Variants in TNK2 observed in about 807,000 individuals in gnomAD.
TNK2 encodes the protein activated CDC42 kinase 1.
In TNK2, 83 loss-of-function variants were observed where a neutral mutation model predicts 101.8. That is an observed-to-expected ratio of 0.82 (90% CI 0.68 to 0.98). The LOEUF is 0.98. Among genes scored for constraint, TNK2 ranks in the 50% least tolerant of loss-of-function variants. TNK2 has a pLI of 0.00. For synonymous variants in TNK2, 804 were observed against 633.0 expected, an observed-to-expected ratio of 1.27 and a Z score of -4.06; for missense variants, 1,665 against 1,483.2, an observed-to-expected ratio of 1.12 and a Z score of -2.01.
At chr3:195,905,989 C>T (rs1486660275) in intron 1 of TNK2, among the ~76,000 whole-genome samples, 1 of 152,064 alleles carries the variant, frequency 6.6e-6, no homozygotes, top group Non-Finnish European at 1.5e-5. Flanking sequence ...CACGAAAAAC[C>T]CTACACAATT....
At chr3:195,890,752 T>C (rs1396564883) in intron 1 of TNK2, among the ~76,000 whole-genome samples, 1 of 152,196 alleles carries the variant, frequency 6.6e-6, no homozygotes, top group Admixed American at 6.5e-5. Flanking sequence ...TAAAATAAAT[T>C]TTCCTGGAAT....
At chr3:195,874,333 T>C (rs2149371983) in intron 9 of TNK2, among the ~76,000 whole-genome samples, 2 of 152,316 alleles carry the variant, frequency 1.3e-5, no homozygotes, top group East Asian at 3.9e-4. Context: ...GGGACCCACT[T>C]CTGAGAGGGA....
chr3:195,890,553 C>A (rs1220848928), intron 1 of TNK2, among the ~76,000 whole-genome samples: 4 of 147,306 alleles, frequency 2.7e-5, no homozygotes, highest in Admixed American at 2.1e-4. Context: ...CGGGTTCAGG[C>A]AATTCTCCCG....
chr3:195,867,412 G>A lies in TNK2; in HGVS notation c.2886C>T (p.Gly962=). The change falls in exon 13 of 16, where the codon GGC becomes GGT. Residue 962 remains glycine (G), a synonymous_variant. Coordinates refer to ENST00000672887, the MANE Select transcript of TNK2 (RefSeq NM_001382273.1). ...PRATARLPQR[G]CPGDGPEAGR... ...CCGCCTCTGGCCCATCGCCAGGGCAGCCCCTCTGTGGCAGCCGAGCAGTGG... is the reference window on the plus strand; with the variant it reads ...CCGCCTCTGGCCCATCGCCAGGGCAACCCCTCTGTGGCAGCCGAGCAGTGG... 1 of 1,603,780 alleles carries A rather than the reference G, an allele frequency of 6.2e-7. No homozygotes were observed. Among genetic ancestry groups the A allele is most frequent in the South Asian group, 1.1e-5 (1 of 90,420 alleles).
Position 195,868,163 on chromosome 3 carries a change from G to T in TNK2, c.2135C>A (p.Pro712Gln), listed in dbSNP as rs776680075. ...CTCTGCGGTCTGTGCGGAGCTGGGC[G>T]GCTTGCCCCCACCCTGGGGCGGGAG... ...LFLPPQGGGK[P>Q]PSSAQTAEIF... The change falls in exon 13 of 16, where the codon CCG becomes CAG. Residue 712 changes from proline to glutamine, a missense_variant. By Grantham distance (76) the Pro-to-Gln change is moderately conservative. This residue lies in a region of TNK2 where 1,136 missense variants were observed against 894.9 expected (regional missense o/e 1.27). Transcript: ENST00000672887. 1.2e-6 allele frequency: 2 copies of T among 1,610,584 alleles called. No individual in the cohort carries two copies. The highest frequency in any genetic ancestry group is 8.5e-7 in the Non-Finnish European group (1 of 1,179,118).
chr3:195,889,558 T>C (rs915818841), intron 1 of TNK2, among the ~76,000 whole-genome samples: 1 of 152,230 alleles, frequency 6.6e-6, no homozygotes, highest in Non-Finnish European at 1.5e-5. Context: ...TGTTCCCTGA[T>C]TTCACTTAAT....
intron 11 of TNK2, 49 bp from the exon 12 acceptor site, chr3:195,869,590 A>G (rs780870251): frequency 6.5e-7 from 1 of 1,536,224 alleles, no homozygotes; most frequent in Non-Finnish European, 8.8e-7. Flanking sequence ...AGCAGGACAG[A>G]GGACAAAGGA....
In TNK2 at chr3:195,866,949, T is replaced by G. The variant is rs1741268014; in HGVS notation, c.3101A>C (p.Asp1034Ala). 1 of 1,612,824 alleles carries G rather than the reference T, an allele frequency of 6.2e-7. No homozygotes were observed. The highest frequency in any genetic ancestry group is 1.3e-5 in the African/African-American group (1 of 74,894). ...GECHKVLEMF[D>A]WNLEQAGCHL... ...GCAGCCGGCCTGCTCCAGGTTCCAG[T>G]CGAACATCTCCAGCACTTTGTGGCA... Residue 1034 changes from aspartate to alanine, a missense_variant, in exon 15 of 16, where the codon GAC (aspartate) becomes GCC (alanine). Transcript: ENST00000672887.
intron 15 of TNK2, 69 bp downstream of exon 15, chr3:195,866,820 C>A (rs1341037894): frequency 4.5e-6 from 7 of 1,561,140 alleles, no homozygotes; most frequent in Non-Finnish European, 6.1e-6. Context: ...TGGGCTTCCT[C>A]CCAGTGTGGC....
chr3:195,890,636 T>A (rs1758038088), intron 1 of TNK2, among the ~76,000 whole-genome samples: 1 of 151,998 alleles, frequency 6.6e-6, no homozygotes, highest in Non-Finnish European at 1.5e-5. Flanking sequence ...ACAGGGTTCC[T>A]CCATGTTGGC....
rs112035920 is a variant in TNK2, at chr3:195,887,107, T to C, written c.164-60A>G. On this transcript the variant is annotated intron_variant, in intron 2 of 15. Coordinates refer to ENST00000672887, the MANE Select transcript of TNK2 (RefSeq NM_001382273.1). ...GCCGCCGTAGCCCGAGAGAGGCTGC[T>C]GCCTGTGGTCCCCTTGGGGGTGAGC... 10,511 of 1,574,098 alleles carry C rather than the reference T, an allele frequency of 6.7e-3. 569 individuals are homozygous for C. In the African/African-American group the frequency reaches 0.12, roughly 18 times the overall value.
At chr3:195,907,257 GTGTT>G (rs938160835) in intron 1 of TNK2, among the ~76,000 whole-genome samples, 10 of 152,224 alleles carry the variant, frequency 6.6e-5, no homozygotes, top group East Asian at 1.9e-4. Flanking sequence ...CGGTGCATGA[GTGTT>G]TGGGTGGCAG....
intron 2 of TNK2, 79 bp from the exon 3 acceptor site, chr3:195,887,126 G>T: frequency 6.8e-7 from 1 of 1,468,746 alleles, no homozygotes; most frequent in Non-Finnish European, 9.5e-7. Flanking sequence ...TCCCCTTGGG[G>T]GTGAGCCTGT....
chr3:195,883,412 G>A, intron 4 of TNK2, 103 bp from the exon 5 acceptor site: 1 of 1,397,522 alleles, frequency 7.2e-7, no homozygotes, highest in Non-Finnish European at 9.8e-7. Context: ...CCCTGCCTGT[G>A]AGCTCCTCAT....
At chr3:195,870,638 G>A (rs1036933516) in intron 10 of TNK2, among the ~76,000 whole-genome samples, 3 of 152,254 alleles carry the variant, frequency 2.0e-5, no homozygotes, top group African/African-American at 7.2e-5. Context: ...GGAGGTGCGG[G>A]AGAGGCTGGG....
rs1454757401 is a variant in TNK2 at position 195,869,561 on chromosome 3, G to A, written c.1544-20C>T. On this transcript the variant is annotated intron_variant, in intron 11 of 15. Coordinates refer to ENST00000672887, the MANE Select transcript of TNK2 (RefSeq NM_001382273.1). ...GCTCCCCTGCAAGAAAGGCCATGCG[G>A]ACAGGGGGAGAGAGACGGAGCAGGA... The A allele has an allele frequency of 9.7e-6, 15 of 1,551,104 alleles. No homozygotes were observed. In the South Asian group the frequency reaches 1.5e-4, roughly 16 times the overall value.
chr3:195,878,137 C>T lies in TNK2; in HGVS notation c.1256+116G>A, dbSNP rs1006921385. Reference sequence around the variant, plus strand: ...TCACACTGCAGGGTTCAGGCCCAACCGCCAGCCTGTATGTGGCCAAGGGAA... The same window carrying T: ...TCACACTGCAGGGTTCAGGCCCAACTGCCAGCCTGTATGTGGCCAAGGGAA... On this transcript the variant is annotated intron_variant, in intron 9 of 15. Transcript: ENST00000672887. The surrounding 1 kb of genome is among the most constrained non-coding windows in gnomAD (Gnocchi z 4.7). 5.4e-6 allele frequency: 6 copies of T among 1,116,600 alleles called. No homozygotes were observed. The highest frequency in any genetic ancestry group is 3.1e-5 in the African/African-American group (2 of 65,470). 69.2% of individuals were successfully genotyped at this position (1,116,600 alleles called of 1,614,324 possible). A position where few individuals can be genotyped will look rare whatever the true frequency, so the allele number is the denominator to read the frequency against.
intron 1 of TNK2, among the ~76,000 whole-genome samples, chr3:195,907,763 C>G (rs969065067): frequency 6.6e-6 from 1 of 152,220 alleles, no homozygotes; most frequent in Non-Finnish European, 1.5e-5. Flanking sequence ...CCACAGCGGC[C>G]CATCTGCAAA....
chr3:195,879,661 C>T (rs1016756741), intron 6 of TNK2, among the ~76,000 whole-genome samples: 7 of 152,116 alleles, frequency 4.6e-5, no homozygotes, highest in Admixed American at 1.3e-4. Context: ...TACACCCATT[C>T]GTTCTGGGCA....
Sources: allele counts gnomAD v4.1 joint callset (sites outside exome capture counted in the v4.1 genomes callset), GRCh38; gene constraint gnomAD v4.1.1; regional missense constraint gnomAD v4.1.1; non-coding constraint Gnocchi (gnomAD v3.1); transcripts MANE v1.5; gene names NCBI Gene and HGNC (gene_info 2026-07-23, HGNC 2026-07-21).